Variants in ADK observed in about 807,000 individuals in gnomAD.
The protein encoded by ADK is adenosine kinase.
Under a neutral mutation model 44.7 loss-of-function variants are expected in ADK, and 24 were observed. The ratio of observed to expected loss-of-function variants is 0.54; its 90% CI spans 0.39 to 0.76. The LOEUF (loss-of-function observed/expected upper bound fraction) is 0.76, where lower values mean the gene tolerates loss of function less well. Ranked by LOEUF, ADK falls within the 30% of genes least tolerant of loss-of-function variation. ADK has a pLI of 0.00. For synonymous variants in ADK, 128 were observed against 142.6 expected (o/e 0.90, Z 0.73); for missense variants, 321 against 425.1 (o/e 0.76, Z 2.15).
chr10:74,281,414 A>T (rs1846930304), intron 3 of ADK, among the ~76,000 whole-genome samples: 1 of 152,238 alleles, frequency 6.6e-6, no homozygotes, highest in Admixed American at 6.5e-5. Flanking sequence ...AAAGAAACAT[A>T]AGCAAGGGGA....
rs139086445 is a variant in ADK, at chr10:74,474,509, C to T, written c.556-50747C>T. On this transcript the variant is annotated intron_variant, in intron 6 of 10. Transcript: ENST00000539909. ...TCTCCCCCTTTCCTCTCCTTTCCTT[C>T]CCTTCCCTTCCCTTTCTTTCCTTTC... Among the ~76,000 whole-genome samples, 670 of 150,136 alleles carry T rather than the reference C, an allele frequency of 4.5e-3. 3 individuals are homozygous for T. Among genetic ancestry groups the T allele is most frequent in the African/African-American group, 0.016 (643 of 40,922 alleles).
At chr10:74,223,193 T>A (rs551697236) in intron 2 of ADK, among the ~76,000 whole-genome samples, 1 of 152,208 alleles carries the variant, frequency 6.6e-6, no homozygotes, top group Non-Finnish European at 1.5e-5. Context: ...CTCTACAGAT[T>A]CCTGAGGTGG....
At chr10:74,289,300 G>A (rs1420776516) in intron 3 of ADK, among the ~76,000 whole-genome samples, 1 of 152,164 alleles carries the variant, frequency 6.6e-6, no homozygotes, top group South Asian at 2.1e-4. Context: ...TGATCAGCCC[G>A]CCTCTGAAAG....
intron 3 of ADK, among the ~76,000 whole-genome samples, chr10:74,262,084 C>T (rs547484186): frequency 2.0e-4 from 31 of 152,036 alleles, no homozygotes; most frequent in Admixed American, 1.3e-4. Flanking sequence ...TTTGGGAGGC[C>T]GAGGTGTGTG....
intron 1 of ADK, among the ~76,000 whole-genome samples, chr10:74,187,070 T>A (rs1274575657): frequency 2.0e-5 from 3 of 152,192 alleles, no homozygotes; most frequent in African/African-American, 4.8e-5. Flanking sequence ...GTTTTTTTTT[T>A]ATGAGAGTTC....
chr10:74,601,282 G>GA (rs1197544246), intron 9 of ADK, among the ~76,000 whole-genome samples: 1 of 151,892 alleles, frequency 6.6e-6, no homozygotes, highest in African/African-American at 2.4e-5. Context: ...AGTAAATCTT[G>GA]AAAAAAGATG....
intron 1 of ADK, among the ~76,000 whole-genome samples, chr10:74,189,193 A>G (rs948201646): frequency 6.6e-6 from 1 of 152,026 alleles, no homozygotes. Flanking sequence ...TCAAATTTCT[A>G]TTTCCATTGT....
At chr10:74,707,432 C>T (rs919280671) in intron 10 of ADK, among the ~76,000 whole-genome samples, 8 of 151,954 alleles carry the variant, frequency 5.3e-5, no homozygotes, top group Non-Finnish European at 1.0e-4. Flanking sequence ...TTAGTAGAGA[C>T]GGTGTTTCAC....
chr10:74,177,945 A>ATTTAT (rs1842408203), intron 1 of ADK, among the ~76,000 whole-genome samples: 2 of 109,010 alleles, frequency 1.8e-5, no homozygotes, highest in Admixed American at 2.1e-4. Context: ...ATATATATAT[A>ATTTAT]TTTTTTTTTT....
At position 74,302,097 on chromosome 10, in the gene ADK, T is replaced by G. The variant is rs537938054; in HGVS notation, c.195-12570T>G. 2.8e-3 allele frequency among the ~76,000 whole-genome samples: 177 copies of G among 63,856 alleles called. 5 individuals are homozygous for G. Among genetic ancestry groups the G allele is most frequent in the African/African-American group, 9.1e-3 (161 of 17,680 alleles). 41.9% of individuals were successfully genotyped at this position (63,856 alleles called of 152,430 possible). On this transcript the variant is annotated intron_variant, in intron 3 of 10. Coordinates refer to ENST00000539909, the MANE Select transcript of ADK (RefSeq NM_006721.4). ...TGCTTTCTTTTCTTTTCTGTTTTTT[T>G]TTTGTTTGTTTGTTTTTTTTTTTTT...
At chr10:74,204,672 T>G (rs184172742) in intron 2 of ADK, among the ~76,000 whole-genome samples, 1 of 152,334 alleles carries the variant, frequency 6.6e-6, no homozygotes. Context: ...TACAGTTACT[T>G]TAATGATTTT....
Position 74,488,558 on chromosome 10 carries a change from A to C in ADK, c.556-36698A>C, listed in dbSNP as rs552408874. On this transcript the variant is annotated intron_variant, in intron 6 of 10. Transcript: ENST00000539909. ...TAAAGTATGATAATAACAAATTAGC[A>C]CACTAGATAAACTTTTTATAGCTTT... Among the ~76,000 whole-genome samples, 25 of 151,164 alleles carry C rather than the reference A, an allele frequency of 1.7e-4. No homozygotes were observed. The South Asian group carries it at 4.8e-3, about 29-fold the overall frequency.
At position 74,708,792 on chromosome 10, in the gene ADK, G is replaced by A. The variant is rs1057210925; in HGVS notation, c.*347G>A. On this transcript the variant is annotated 3_prime_UTR_variant, in exon 11 of 11. Transcript: ENST00000539909. ...TTTTTACATTTCTGCTTTGAATGCA[G>A]ATGCAATTTAATATAATAGATTTTT... 8.4e-6 allele frequency: 2 copies of A among 238,536 alleles called. No individual in the cohort carries two copies. Among genetic ancestry groups the A allele is most frequent in the Non-Finnish European group, 1.7e-5 (2 of 118,982 alleles). The allele number at this position is 238,536 out of a possible 1,614,324, so 14.8% of individuals were successfully genotyped here. A position where few individuals can be genotyped will look rare whatever the true frequency, so the allele number is the denominator to read the frequency against.
At chr10:74,245,650 G>A (rs529024601) in intron 3 of ADK, among the ~76,000 whole-genome samples, 1 of 151,146 alleles carries the variant, frequency 6.6e-6, no homozygotes, top group South Asian at 2.1e-4. Context: ...GAGTGCAGTG[G>A]CAGAATTTCA....
intron 4 of ADK, among the ~76,000 whole-genome samples, chr10:74,346,351 T>C (rs186726498): frequency 6.6e-5 from 10 of 150,840 alleles, no homozygotes; most frequent in South Asian, 6.2e-4. Context: ...TTTACACTTA[T>C]AGTACAGTAT....
intron 10 of ADK, among the ~76,000 whole-genome samples, chr10:74,691,803 A>AT (rs1025448343): frequency 3.3e-5 from 5 of 152,088 alleles, no homozygotes; most frequent in African/African-American, 9.7e-5. Context: ...AATACTAAGA[A>AT]TTTTTTTTAA....
intron 10 of ADK, among the ~76,000 whole-genome samples, chr10:74,692,076 T>C (rs764210852): frequency 6.6e-6 from 1 of 152,256 alleles, no homozygotes; most frequent in Non-Finnish European, 1.5e-5. Flanking sequence ...CATATGTTTA[T>C]AGCAGTTTTA....
intron 7 of ADK, chr10:74,527,863 C>G (rs1223549244): frequency 1.2e-5 from 11 of 930,132 alleles, no homozygotes; most frequent in Non-Finnish European, 2.0e-5. Context: ...AGCCAGATCT[C>G]TAACATACGT....
At chr10:74,264,094 G>A (rs1846135738) in intron 3 of ADK, among the ~76,000 whole-genome samples, 1 of 152,196 alleles carries the variant, frequency 6.6e-6, no homozygotes, top group Non-Finnish European at 1.5e-5. Context: ...ATAGCCACAT[G>A]TAACTAGTGA....
Sources: allele counts gnomAD v4.1 joint callset (sites outside exome capture counted in the v4.1 genomes callset), GRCh38; gene constraint gnomAD v4.1.1; transcripts MANE v1.5; gene names NCBI Gene and HGNC (gene_info 2026-07-23, HGNC 2026-07-21).